LSAMP: variants seen among roughly 807,000 people sequenced by gnomAD.
LSAMP encodes the protein limbic system-associated membrane protein.
In LSAMP, 7 loss-of-function variants were observed where a neutral mutation model predicts 38.6. That is an observed-to-expected ratio of 0.18 (90% CI 0.10 to 0.34). The LOEUF is 0.34. Among genes scored for constraint, LSAMP ranks in the 10% least tolerant of loss-of-function variants. The pLI is 1.00. For missense variants in LSAMP, 313 were observed against 420.0 expected (o/e 0.75, Z 2.23); for synonymous variants, 154 against 166.8 (o/e 0.92, Z 0.59).
At chr3:116,347,390 A>G (rs1222131314) in intron 1 of LSAMP, among the ~76,000 whole-genome samples, 1 of 152,150 alleles carries the variant, frequency 6.6e-6, no homozygotes, top group African/African-American at 2.4e-5. Flanking sequence ...CTTACAGGCA[A>G]ATTAATTTTG....
intron 1 of LSAMP, among the ~76,000 whole-genome samples, chr3:116,115,635 T>C (rs1021227896): frequency 6.6e-6 from 1 of 152,150 alleles, no homozygotes; most frequent in Non-Finnish European, 1.5e-5. Flanking sequence ...ATTTTATGAA[T>C]TTTGTATCTA....
chr3:115,807,431 T>C lies in LSAMP; in HGVS notation c.*2886A>G, dbSNP rs911637764. The C allele has an allele frequency of 2.0e-5, 3 of 152,180 alleles. No homozygotes were observed. Among genetic ancestry groups the C allele is most frequent in the Non-Finnish European group, 4.4e-5 (3 of 68,040 alleles). 9.4% of individuals were successfully genotyped at this position (152,180 alleles called of 1,614,324 possible). A position where few individuals can be genotyped will look rare whatever the true frequency, so the allele number is the denominator to read the frequency against. ...ATTATGTTTAATATATGGTCCATTA[T>C]ATTAAAACTGAGGGAACAAACGGTG... On this transcript the variant is annotated 3_prime_UTR_variant, in exon 7 of 7. Transcript: ENST00000490035.
At position 115,860,585 on chromosome 3, in the gene LSAMP, T is replaced by G. The variant is rs78404412; in HGVS notation, c.515-7968A>C. On this transcript the variant is annotated intron_variant, in intron 3 of 6. Coordinates refer to ENST00000490035, the MANE Select transcript of LSAMP (RefSeq NM_002338.5). ...TGTCCACTTCACTTAACTTCCTTAT[T>G]GAAAAGATCAAATGAACCAATAAAT... 4.2e-3 allele frequency among the ~76,000 whole-genome samples: 639 copies of G among 152,312 alleles called. 5 individuals are homozygous for G. Among genetic ancestry groups the G allele is most frequent in the African/African-American group, 0.013 (557 of 41,568 alleles).
chr3:115,940,993 C>T (rs1229928845), intron 3 of LSAMP, among the ~76,000 whole-genome samples: 2 of 152,040 alleles, frequency 1.3e-5, no homozygotes, highest in African/African-American at 4.8e-5. Flanking sequence ...GATAAATAGG[C>T]AACCTACAGA....
chr3:116,007,057 G>A (rs570720698), intron 3 of LSAMP, among the ~76,000 whole-genome samples: 1 of 152,192 alleles, frequency 6.6e-6, no homozygotes, highest in African/African-American at 2.4e-5. Flanking sequence ...ATACCTTAAA[G>A]AATTAGATCT....
intron 1 of LSAMP, among the ~76,000 whole-genome samples, chr3:116,241,799 C>T (rs1055819825): frequency 1.3e-5 from 2 of 152,136 alleles, no homozygotes; most frequent in Non-Finnish European, 2.9e-5. Context: ...GTTGTAGAAG[C>T]ATTGTAGAAA....
intron 1 of LSAMP, among the ~76,000 whole-genome samples, chr3:116,203,232 G>C (rs1342119165): frequency 4.6e-5 from 7 of 152,036 alleles, no homozygotes; most frequent in Admixed American, 6.6e-5. Flanking sequence ...TCACCATTAG[G>C]TATTTCATTA....
At chr3:115,874,909 T>TA (rs576747449) in intron 3 of LSAMP, among the ~76,000 whole-genome samples, 48 of 145,738 alleles carry the variant, frequency 3.3e-4, no homozygotes, top group South Asian at 1.1e-3. Context: ...GAAGGTACTT[T>TA]AAAAAAAAAA....
chr3:115,859,828 C>T lies in LSAMP; in HGVS notation c.515-7211G>A, dbSNP rs1481478197. Among the ~76,000 whole-genome samples the T allele has an allele frequency of 2.0e-5, 3 of 152,224 alleles. No homozygotes were observed. In the South Asian group the frequency reaches 6.2e-4, roughly 31 times the overall value. ...GAGCTGAGTTTCCAGCCTGAGGCTGCCATGCATGCATCCTTTTTTCAGTCC... is the reference window on the plus strand; with the variant it reads ...GAGCTGAGTTTCCAGCCTGAGGCTGTCATGCATGCATCCTTTTTTCAGTCC... On this transcript the variant is annotated intron_variant, in intron 3 of 6. Transcript: ENST00000490035.
chr3:116,337,702 A>T (rs1176212913), intron 1 of LSAMP, among the ~76,000 whole-genome samples: 1 of 151,822 alleles, frequency 6.6e-6, no homozygotes, highest in Non-Finnish European at 1.5e-5. Context: ...AAGGACAGAG[A>T]AAAGGTAGGT....
intron 1 of LSAMP, among the ~76,000 whole-genome samples, chr3:116,334,707 GA>G (rs145035203): frequency 1.3e-5 from 2 of 151,834 alleles, no homozygotes. Context: ...CCCTTTTATG[GA>G]AAAAAAGAAA....
intron 1 of LSAMP, among the ~76,000 whole-genome samples, chr3:116,272,058 T>G (rs115889793): frequency 0.012 from 1,861 of 152,052 alleles, 35 homozygotes; most frequent in African/African-American, 0.041. Flanking sequence ...TGGAAGGAAT[T>G]CTCAAAGCCC....
intron 1 of LSAMP, among the ~76,000 whole-genome samples, chr3:116,264,049 C>T (rs1048814925): frequency 3.3e-5 from 5 of 152,190 alleles, no homozygotes; most frequent in African/African-American, 1.2e-4. Context: ...AGTCTGCCTG[C>T]ACTTGGTTGT....
At chr3:116,156,468 G>T (rs1167526676) in intron 1 of LSAMP, among the ~76,000 whole-genome samples, 1 of 152,066 alleles carries the variant, frequency 6.6e-6, no homozygotes, top group Non-Finnish European at 1.5e-5. Flanking sequence ...ATGACATGGT[G>T]AACAGCAGTG....
rs981821785 is a variant in LSAMP at position 116,322,815 on chromosome 3, C to T, written c.155+122062G>A. Among the ~76,000 whole-genome samples, 15 of 151,938 alleles carry T rather than the reference C, an allele frequency of 9.9e-5. 1 individual carries two copies. Among genetic ancestry groups the T allele is most frequent in the Admixed American group, 9.8e-4 (15 of 15,234 alleles). ...CTCTCCTTTTCTTCCGCCATCTTTTCCTTCCTCTTTCTCTGCTTCTCTACT... is the reference window on the plus strand; with the variant it reads ...CTCTCCTTTTCTTCCGCCATCTTTTTCTTCCTCTTTCTCTGCTTCTCTACT... On this transcript the variant is annotated intron_variant, in intron 1 of 6. Transcript: ENST00000490035.
intron 1 of LSAMP, among the ~76,000 whole-genome samples, chr3:116,303,967 G>A (rs2047448491): frequency 6.6e-6 from 1 of 152,104 alleles, no homozygotes; most frequent in Non-Finnish European, 1.5e-5. Context: ...GTGATAAGGG[G>A]TCAGAGTAGA....
intron 3 of LSAMP, among the ~76,000 whole-genome samples, chr3:115,865,844 C>T (rs1161793104): frequency 6.6e-6 from 1 of 152,114 alleles, no homozygotes; most frequent in Non-Finnish European, 1.5e-5. Flanking sequence ...ACACAGAAGC[C>T]ATCTTGACCC....
rs573971260 is a variant in LSAMP, at chr3:116,164,854, G to T, written c.156-78298C>A. On this transcript the variant is annotated intron_variant, in intron 1 of 6. Coordinates refer to ENST00000490035, the MANE Select transcript of LSAMP (RefSeq NM_002338.5). The stretch of plus-strand genomic sequence containing the variant: ...GTACATGGTGTTGGGGGAGTATGAA[G>T]GAGTCATTCCTAACTAGTACTGAGG... Among the ~76,000 whole-genome samples, 245 of 147,704 alleles carry T rather than the reference G, an allele frequency of 1.7e-3. 1 individual carries two copies. Among genetic ancestry groups the T allele is most frequent in the Non-Finnish European group, 2.6e-3 (174 of 67,370 alleles).
intron 1 of LSAMP, among the ~76,000 whole-genome samples, chr3:116,174,782 C>T (rs2864075): frequency 0.84 from 127,696 of 152,050 alleles, 53,848 homozygotes; most frequent in South Asian, 0.91. Flanking sequence ...GACTCTCTGC[C>T]GTCTACCACA....
Sources: allele counts gnomAD v4.1 joint callset (sites outside exome capture counted in the v4.1 genomes callset), GRCh38; gene constraint gnomAD v4.1.1; transcripts MANE v1.5; gene names NCBI Gene and HGNC (gene_info 2026-07-23, HGNC 2026-07-21).